Variants in DPH6 observed in about 807,000 individuals in gnomAD.
DPH6 encodes the protein diphthamine biosynthesis 6.
A neutral mutation model predicts 38.2 loss-of-function variants in DPH6; 33 were observed. The ratio of observed to expected loss-of-function variants is 0.86; its 90% confidence interval spans 0.65 to 1.15. The LOEUF (loss-of-function observed/expected upper bound fraction) is 1.15, where lower values mean the gene tolerates loss of function less well. Ranked by LOEUF, DPH6 falls within the 50% of genes most tolerant of loss-of-function variation. The pLI, the probability that DPH6 is intolerant of heterozygous loss-of-function variation, is 0.00. For synonymous variants in DPH6, 108 were observed against 103.0 expected (o/e 1.05, Z -0.30); for missense variants, 325 against 320.0 (o/e 1.02, Z -0.12).
intron 5 of DPH6, among the ~76,000 whole-genome samples, chr15:35,432,575 A>C (rs2053646215): frequency 6.6e-6 from 1 of 152,196 alleles, no homozygotes; most frequent in South Asian, 2.1e-4. Context: ...ATCAACAACA[A>C]AAAAATACAC....
At chr15:35,534,908 G>A (rs1443235817) in intron 3 of DPH6, among the ~76,000 whole-genome samples, 1 of 152,184 alleles carries the variant, frequency 6.6e-6, no homozygotes, top group Non-Finnish European at 1.5e-5. Context: ...CTGCACAGAA[G>A]GAGAAGAGCT....
chr15:35,199,292 A>G, the DPH6 span, among the ~76,000 whole-genome samples: 8 of 152,180 alleles, frequency 5.3e-5, no homozygotes, highest in African/African-American at 1.9e-4. Context: ...CTCAGTCAGA[A>G]ATCAAGATTA....
At chr15:35,372,360 GA>G in intron 8 of DPH6, 157 bp from the exon 9 acceptor site, 1 of 544,542 alleles carries the variant, frequency 1.8e-6, no homozygotes. Context: ...GTGTCATACT[GA>G]AGACCAATCA....
Position 35,431,535 on chromosome 15 carries a change from G to T in DPH6, c.505+19150C>A, listed in dbSNP as rs72705108. The stretch of plus-strand genomic sequence containing the variant: ...ATAAAGAAGTGCTCCTTAAGCTAAG[G>T]CACATAAACAGCAGGGTGCCAGAGG... On this transcript the variant is annotated intron_variant, in intron 5 of 8. Coordinates refer to ENST00000256538, the MANE Select transcript of DPH6 (RefSeq NM_080650.4). Among the ~76,000 whole-genome samples the T allele has an allele frequency of 1.7e-3, 254 of 152,090 alleles. 1 individual carries two copies. The highest frequency in any genetic ancestry group is 4.3e-3 in the East Asian group (22 of 5,166).
intron 3 of DPH6, among the ~76,000 whole-genome samples, chr15:35,527,401 G>A (rs2055019944): frequency 6.6e-6 from 1 of 152,120 alleles, no homozygotes; most frequent in Non-Finnish European, 1.5e-5. Flanking sequence ...TATAGTCTAG[G>A]AGCTGTATGG....
chr15:35,521,664 G>A (rs2054924598), intron 3 of DPH6: 2 of 1,230,366 alleles, frequency 1.6e-6, no homozygotes, highest in Non-Finnish European at 2.0e-6. Flanking sequence ...TATTTAACTA[G>A]ATATTTTAGT....
chr15:35,407,808 A>T (rs556050214), intron 6 of DPH6, among the ~76,000 whole-genome samples: 14 of 152,018 alleles, frequency 9.2e-5, no homozygotes, highest in African/African-American at 3.4e-4. Flanking sequence ...AGAATAGGAG[A>T]ACGGTAGAAG....
At chr15:35,366,587 C>T (rs981833861), downstream of DPH6, among the ~76,000 whole-genome samples, 6 of 152,002 alleles carry the variant, frequency 3.9e-5, no homozygotes, top group African/African-American at 1.2e-4. Context: ...CCTTCCTGCT[C>T]CCTTCCCCAA....
chr15:35,338,258 G>A (rs1240782724), intron 3 of DPH6, among the ~76,000 whole-genome samples: 1 of 151,912 alleles, frequency 6.6e-6, no homozygotes, highest in African/African-American at 2.4e-5. Context: ...TACAAAATGG[G>A]AGAAAATTTT....
At chr15:35,381,700 G>A in intron 7 of DPH6, 122 bp downstream of exon 7, 2 of 737,418 alleles carry the variant, frequency 2.7e-6, no homozygotes, top group Non-Finnish European at 4.7e-6. Flanking sequence ...CAAATTGAGT[G>A]TTTGTGAACT....
At chr15:35,445,430 A>C (rs781096134) in intron 5 of DPH6, among the ~76,000 whole-genome samples, 9 of 151,576 alleles carry the variant, frequency 5.9e-5, no homozygotes, top group African/African-American at 1.5e-4. Flanking sequence ...TGAATGGTAA[A>C]TAGTTGACCC....
At chr15:35,207,038 C>CTTTT in the DPH6 span, among the ~76,000 whole-genome samples, 62 of 74,068 alleles carry the variant, frequency 8.4e-4, 13 homozygotes, top group Admixed American at 2.2e-3. Context: ...TTTAGTAAAG[C>CTTTT]TTTTTTTTTT....
rs2055267784 is a variant in DPH6 at position 35,542,487 on chromosome 15, T to C, written c.44A>G (p.Tyr15Cys). 1.3e-6 allele frequency: 2 copies of C among 1,565,814 alleles called. No homozygotes were observed. Among genetic ancestry groups the C allele is most frequent in the Non-Finnish European group, 1.7e-6 (2 of 1,142,926 alleles). Residue 15 changes from tyrosine (Y) to cysteine (C), a missense_variant, in exon 2 of 9, where the codon TAT (tyrosine) becomes TGT (cysteine). Coordinates refer to ENST00000256538, the MANE Select transcript of DPH6 (RefSeq NM_080650.4). Reference sequence around the variant, plus strand: ...AGCAGCAATGCACTGCATCATATTATAGCAGCTGTCCTTCCCACCACTAAA... The same window carrying C: ...AGCAGCAATGCACTGCATCATATTACAGCAGCTGTCCTTCCCACCACTAAA... ...ALISGGKDSC[Y>C]NMMQCIAAGH... is the part of the protein sequence containing the mutation.
At chr15:35,401,650 G>A (rs774550195) in intron 6 of DPH6, 2 of 752,414 alleles carry the variant, frequency 2.7e-6, no homozygotes, top group Non-Finnish European at 4.9e-6. Context: ...GGAAACTTTG[G>A]AGGCAGAAAC....
intron 3 of DPH6, among the ~76,000 whole-genome samples, chr15:35,294,556 C>T (rs902242387): frequency 6.6e-6 from 1 of 150,612 alleles, no homozygotes; most frequent in Admixed American, 6.6e-5. Flanking sequence ...TCTCCTTTGC[C>T]GTTTTTTTTG....
At chr15:35,475,283 A>G (rs2054250741) in intron 3 of DPH6, among the ~76,000 whole-genome samples, 1 of 152,038 alleles carries the variant, frequency 6.6e-6, no homozygotes, top group Admixed American at 6.6e-5. Flanking sequence ...TTCTAGTTTA[A>G]TAGTCACATA....
chr15:35,477,970 G>A (rs2054281978), intron 3 of DPH6, among the ~76,000 whole-genome samples: 1 of 151,866 alleles, frequency 6.6e-6, no homozygotes, highest in Non-Finnish European at 1.5e-5. Context: ...GGTCCTTCCG[G>A]TAATTTTTCT....
intron 3 of DPH6, among the ~76,000 whole-genome samples, chr15:35,471,648 C>T (rs896886752): frequency 1.3e-5 from 2 of 152,148 alleles, no homozygotes; most frequent in African/African-American, 4.8e-5. Flanking sequence ...TCTTACTCTT[C>T]TCTCCATTTG....
chr15:35,158,573 C>T, the DPH6 span, among the ~76,000 whole-genome samples: 1 of 151,904 alleles, frequency 6.6e-6, no homozygotes, highest in Non-Finnish European at 1.5e-5. Context: ...ACTAGAAAAA[C>T]TGGTAAAAAG....
Sources: gnomAD v4.1 joint callset for allele counts (sites outside exome capture counted in the v4.1 genomes callset) on GRCh38, gnomAD v4.1.1 for gene constraint, MANE v1.5 for transcripts, NCBI Gene and HGNC (gene_info 2026-07-23, HGNC 2026-07-21) for gene names.